The following ATRNL1 variants were observed in gnomAD, a reference collection of about 807,000 sequenced individuals.
ATRNL1 encodes attractin like 1.
ATRNL1 carries 95 observed loss-of-function variants against 182.7 expected under a neutral mutation model. The ratio of observed to expected loss-of-function variants is 0.52; its 90% CI spans 0.44 to 0.62. The LOEUF is 0.62. ATRNL1 is among the 20% of genes least tolerant of loss of function. The probability of loss-of-function intolerance (pLI) is 0.00; values close to 1 mark genes in which losing one functional copy is unlikely to be tolerated. For synonymous variants in ATRNL1, 576 were observed against 568.3 expected, an observed-to-expected ratio of 1.01 and a Z score of -0.19; for missense variants, 1,471 against 1,679.5, an observed-to-expected ratio of 0.88 and a Z score of 2.17.
chr10:115,106,331 G>T (rs1844009407), intron 1 of ATRNL1, among the ~76,000 whole-genome samples: 1 of 152,162 alleles, frequency 6.6e-6, no homozygotes, highest in South Asian at 2.1e-4. Flanking sequence ...GAAGTAACTA[G>T]CTTGCTTTTG....
intron 26 of ATRNL1, among the ~76,000 whole-genome samples, chr10:115,676,432 T>C (rs116993153): frequency 6.6e-6 from 1 of 152,126 alleles, no homozygotes; most frequent in East Asian, 1.9e-4. Flanking sequence ...GTAGAATTAT[T>C]TACTCAGTTA....
intron 26 of ATRNL1, among the ~76,000 whole-genome samples, chr10:115,630,824 TTA>T (rs1555026059): frequency 1.0e-5 from 1 of 96,578 alleles, no homozygotes; most frequent in African/African-American, 4.0e-5. Context: ...AATATATGTA[TTA>T]TACACACACA....
rs201149371 is a variant in ATRNL1 at position 115,457,542 on chromosome 10, GTCTAT to G, written c.3323-4397_3323-4393del. Among the ~76,000 whole-genome samples, 1,303 of 152,082 alleles carry G rather than the reference GTCTAT, an allele frequency of 8.6e-3. 19 individuals carry two copies. Among genetic ancestry groups the G allele is most frequent in the African/African-American group, 0.027 (1,124 of 41,484 alleles). ...TCACTACAAATACTATATTTCCTCA[GTCTAT>G]TTACTTTCCCTCTTTTTAATGACTA... On this transcript the variant is annotated intron_variant, in intron 21 of 28. Transcript: ENST00000355044.
At chr10:115,412,375 T>C (rs1433054764) in intron 20 of ATRNL1, among the ~76,000 whole-genome samples, 1 of 152,180 alleles carries the variant, frequency 6.6e-6, no homozygotes, top group African/African-American at 2.4e-5. Flanking sequence ...AGGATTACAG[T>C]GGACCCTAGG....
At chr10:115,603,953 A>G (rs1856748319) in intron 26 of ATRNL1, among the ~76,000 whole-genome samples, 1 of 149,630 alleles carries the variant, frequency 6.7e-6, no homozygotes, top group Non-Finnish European at 1.5e-5. Context: ...GAGGCCCTTA[A>G]AAAATGTCTT....
intron 24 of ATRNL1, among the ~76,000 whole-genome samples, chr10:115,489,649 C>G (rs1554976021): frequency 1.3e-5 from 2 of 152,174 alleles, no homozygotes; most frequent in African/African-American, 4.8e-5. Flanking sequence ...CTCCTGAATA[C>G]AGCACACTGA....
At chr10:115,582,967 T>G (rs1336881505) in intron 26 of ATRNL1, among the ~76,000 whole-genome samples, 4 of 147,490 alleles carry the variant, frequency 2.7e-5, no homozygotes, top group African/African-American at 9.8e-5. Context: ...TACATATGGC[T>G]AGCCAGTTTT....
intron 17 of ATRNL1, among the ~76,000 whole-genome samples, chr10:115,309,835 C>G (rs1005063114): frequency 3.3e-5 from 5 of 151,936 alleles, no homozygotes; most frequent in Non-Finnish European, 7.4e-5. Context: ...ATTTGGATGC[C>G]CTTTATTTCT....
At chr10:115,379,652 A>T (rs1857878754) in intron 19 of ATRNL1, among the ~76,000 whole-genome samples, 1 of 152,212 alleles carries the variant, frequency 6.6e-6, no homozygotes, top group Admixed American at 6.5e-5. Flanking sequence ...GTTACATATT[A>T]CTAATATATC....
intron 25 of ATRNL1, among the ~76,000 whole-genome samples, chr10:115,534,047 G>T (rs1433050215): frequency 6.6e-6 from 1 of 151,620 alleles, no homozygotes; most frequent in African/African-American, 2.4e-5. Context: ...TTTGGAATAG[G>T]TGTGGTGTGG....
intron 7 of ATRNL1, among the ~76,000 whole-genome samples, chr10:115,168,812 T>A (rs1160053549): frequency 1.3e-5 from 2 of 152,010 alleles, no homozygotes; most frequent in Admixed American, 1.3e-4. Context: ...GACTTTATCT[T>A]GATAAAGTCC....
chr10:115,148,857 C>T (rs1554879994), intron 5 of ATRNL1, among the ~76,000 whole-genome samples: 1 of 148,514 alleles, frequency 6.7e-6, no homozygotes, highest in African/African-American at 2.5e-5. Context: ...TCAAGTGATT[C>T]TCCTGTCTCA....
intron 26 of ATRNL1, among the ~76,000 whole-genome samples, chr10:115,560,008 C>T (rs1180068621): frequency 1.3e-5 from 2 of 152,028 alleles, no homozygotes; most frequent in South Asian, 2.1e-4. Flanking sequence ...ACTAAAAAAC[C>T]TGTTAGAACT....
At chr10:115,215,211 A>C (rs184035855) in intron 8 of ATRNL1, among the ~76,000 whole-genome samples, 13 of 152,302 alleles carry the variant, frequency 8.5e-5, no homozygotes, top group African/African-American at 2.4e-4. Flanking sequence ...TCTGCAATAC[A>C]AAGGACTTTA....
At chr10:115,205,281 G>C (rs188354140) in intron 8 of ATRNL1, among the ~76,000 whole-genome samples, 1 of 151,716 alleles carries the variant, frequency 6.6e-6, no homozygotes, top group Non-Finnish European at 1.5e-5. Flanking sequence ...ATAGGACTTT[G>C]CCTGTTTTTT....
At chr10:115,898,465 T>C (rs1339088225) in intron 28 of ATRNL1, among the ~76,000 whole-genome samples, 2 of 152,190 alleles carry the variant, frequency 1.3e-5, no homozygotes, top group Non-Finnish European at 2.9e-5. Flanking sequence ...CAGGATTGTC[T>C]ACCCCATGCT....
intron 8 of ATRNL1, among the ~76,000 whole-genome samples, chr10:115,181,520 A>G (rs1269602): frequency 0.29 from 43,233 of 151,612 alleles, 6,331 homozygotes; most frequent in Non-Finnish European, 0.31. Flanking sequence ...TTCTGTCTGT[A>G]ATTACCAGAT....
chr10:115,467,467 CAA>C (rs1359118114), intron 23 of ATRNL1, among the ~76,000 whole-genome samples: 7 of 150,642 alleles, frequency 4.6e-5, no homozygotes, highest in Non-Finnish European at 1.0e-4. Context: ...AGATTGGTAA[CAA>C]ATATTATACA....
chr10:115,320,283 C>T (rs1554931007), intron 18 of ATRNL1, among the ~76,000 whole-genome samples: 2 of 151,978 alleles, frequency 1.3e-5, no homozygotes, highest in Admixed American at 6.6e-5. Context: ...GTTGGGCTTC[C>T]CTTTGTAGGT....
Sources: allele counts gnomAD v4.1 joint callset (sites outside exome capture counted in the v4.1 genomes callset), GRCh38; gene constraint gnomAD v4.1.1; transcripts MANE v1.5; gene names NCBI Gene and HGNC (gene_info 2026-07-23, HGNC 2026-07-21).